AK9: variants seen among roughly 807,000 people sequenced by gnomAD.
AK9 encodes adenylate kinase domain containing 1.
AK9 carries 191 observed loss-of-function variants against 239.6 expected under a neutral mutation model. That is an observed-to-expected ratio of 0.80 (90% CI 0.71 to 0.90). The LOEUF (loss-of-function observed/expected upper bound fraction) is 0.90. AK9 is among the 40% of genes least tolerant of loss of function. The pLI is 0.00. For synonymous variants in AK9, 689 were observed against 721.0 expected (o/e 0.96, Z 0.71); for missense variants, 1,995 against 2,214.7 (o/e 0.90, Z 1.99).
At chr6:109,631,431 G>T (rs1206824236) in intron 12 of AK9, among the ~76,000 whole-genome samples, 2 of 152,134 alleles carry the variant, frequency 1.3e-5, no homozygotes, top group Non-Finnish European at 1.5e-5. Context: ...GATGAAAGAG[G>T]TTCAACCTCA....
intron 30 of AK9, 126 bp downstream of exon 30, chr6:109,516,304 A>T (rs1471998544): frequency 4.3e-6 from 4 of 933,426 alleles, no homozygotes; most frequent in Admixed American, 2.8e-5. Flanking sequence ...TGATACCGAT[A>T]AAAGGAAATA....
chr6:109,501,472 G>T (rs1245436367), intron 35 of AK9, among the ~76,000 whole-genome samples: 5 of 152,296 alleles, frequency 3.3e-5, no homozygotes, highest in African/African-American at 9.6e-5. Flanking sequence ...AGGAGAGGGG[G>T]AAAGGAACAT....
chr6:109,649,083 G>A (rs1166137390), intron 8 of AK9, among the ~76,000 whole-genome samples: 4 of 152,178 alleles, frequency 2.6e-5, no homozygotes, highest in Middle Eastern at 3.4e-3. Flanking sequence ...TTATTGATGG[G>A]ACATATCTCA....
At chr6:109,657,533 C>T (rs544692567) in intron 7 of AK9, among the ~76,000 whole-genome samples, 8 of 142,946 alleles carry the variant, frequency 5.6e-5, no homozygotes, top group Non-Finnish European at 1.2e-4. Context: ...GAGAGAACTG[C>T]CACACAAGTT....
At chr6:109,592,866 T>C (rs1790475363) in intron 17 of AK9, among the ~76,000 whole-genome samples, 1 of 152,142 alleles carries the variant, frequency 6.6e-6, no homozygotes, top group Admixed American at 6.5e-5. Context: ...TCTTGCACTA[T>C]ATCTTACAAT....
At position 109,644,674 on chromosome 6, in the gene AK9, T is replaced by C; in HGVS notation, c.774A>G (p.Glu258=). The C allele has an allele frequency of 6.2e-7, 1 of 1,612,368 alleles. No homozygotes were observed. The highest frequency in any genetic ancestry group is 8.5e-7 in the Non-Finnish European group (1 of 1,179,708). The change falls in exon 9 of 41, where the codon GAA becomes GAG. Residue 258 remains glutamate (E), a synonymous_variant. Transcript: ENST00000424296. Reference sequence around the variant, plus strand: ...GCTCAATGAGATACTGGGGATTGTGTTCAGCCATTACTTCCTGCAGATAAT... The same window carrying C: ...GCTCAATGAGATACTGGGGATTGTGCTCAGCCATTACTTCCTGCAGATAAT... ...ILQTLEEVMA[E]HNPQYLIELN... is the part of the protein sequence containing the mutation.
chr6:109,607,867 T>C (rs1015182706), intron 17 of AK9, among the ~76,000 whole-genome samples: 1 of 151,184 alleles, frequency 6.6e-6, no homozygotes, highest in African/African-American at 2.4e-5. Flanking sequence ...ATAGCTAAGA[T>C]AATCTTAAAG....
intron 32 of AK9, among the ~76,000 whole-genome samples, chr6:109,510,302 A>G (rs1166029087): frequency 6.6e-6 from 1 of 152,106 alleles, no homozygotes; most frequent in East Asian, 1.9e-4. Context: ...AGATAACAGG[A>G]TGACCAGCTG....
intron 20 of AK9, 57 bp from the exon 21 acceptor site, chr6:109,573,651 G>T: frequency 6.8e-7 from 1 of 1,479,098 alleles, no homozygotes; most frequent in Non-Finnish European, 9.1e-7. Context: ...AATATTTATT[G>T]GGTGTTGATA....
chr6:109,595,076 T>C (rs888359672), intron 17 of AK9, among the ~76,000 whole-genome samples: 1 of 152,128 alleles, frequency 6.6e-6, no homozygotes, highest in African/African-American at 2.4e-5. Context: ...ACAGGCAACC[T>C]ACAGAATGGG....
At chr6:109,610,280 CTAAAA>C in intron 17 of AK9, 80 bp downstream of exon 17, 1 of 1,449,848 alleles carries the variant, frequency 6.9e-7, no homozygotes, top group Non-Finnish European at 9.3e-7. Flanking sequence ...TCATAAGACT[CTAAAA>C]TAATTACACA....
chr6:109,653,305 C>T (rs1045348142), intron 8 of AK9, among the ~76,000 whole-genome samples: 8 of 152,120 alleles, frequency 5.3e-5, no homozygotes, highest in African/African-American at 1.9e-4. Flanking sequence ...AGCCCTAACC[C>T]GCAATGTATG....
At chr6:109,575,872 T>C (rs369908799) in intron 20 of AK9, among the ~76,000 whole-genome samples, 31 of 152,206 alleles carry the variant, frequency 2.0e-4, no homozygotes, top group African/African-American at 7.0e-4. Context: ...AGCTTCATTC[T>C]TCATTGTGGC....
chr6:109,644,631 C>A lies in AK9; in HGVS notation c.817G>T (p.Ala273Ser). ...YLIELNGNKP[A>S]EELFMIVMDR... is the part of the protein sequence containing the mutation. The stretch of plus-strand genomic sequence containing the variant: ...GCACTCACCATAAAGAGCTCCTCTG[C>A]TGGTTTATTTCCATTTAGCTCAATG... The change falls in exon 9 of 41, where the codon GCA (alanine) becomes TCA (serine). Residue 273 changes from alanine to serine, a missense_variant. Physicochemically the swap from Ala to Ser is moderately conservative, Grantham distance 99. Around this residue, in one of 5 missense-constraint regions of AK9, gnomAD observed 1,290 missense variants for 1,392.7 expected, o/e 0.93. Transcript: ENST00000424296. The A allele has an allele frequency of 6.2e-7, 1 of 1,612,096 alleles. No homozygotes were observed. The highest frequency in any genetic ancestry group is 8.5e-7 in the Non-Finnish European group (1 of 1,179,788).
chr6:109,669,936 A>C (rs1801830925), intron 5 of AK9, among the ~76,000 whole-genome samples: 1 of 152,164 alleles, frequency 6.6e-6, no homozygotes, highest in African/African-American at 2.4e-5. Context: ...CCAAATGGTG[A>C]GGGTGTGGCC....
At chr6:109,571,917 A>G (rs1194251047) in intron 21 of AK9, among the ~76,000 whole-genome samples, 1 of 152,180 alleles carries the variant, frequency 6.6e-6, no homozygotes, top group African/African-American at 2.4e-5. Flanking sequence ...CTCAACTGTT[A>G]GTATGTATAA....
chr6:109,552,232 A>G (rs1174664447), intron 24 of AK9, among the ~76,000 whole-genome samples: 1 of 152,056 alleles, frequency 6.6e-6, no homozygotes, highest in Non-Finnish European at 1.5e-5. Flanking sequence ...TGCTAATGGG[A>G]TTGCTGAGTC....
chr6:109,683,528 G>A (rs1404493482), intron 1 of AK9, among the ~76,000 whole-genome samples: 1 of 152,186 alleles, frequency 6.6e-6, no homozygotes, highest in East Asian at 1.9e-4. Flanking sequence ...ATCTCCTTAA[G>A]CTGATAAGCA....
At chr6:109,501,119 C>T (rs1444527992) in intron 35 of AK9, among the ~76,000 whole-genome samples, 3 of 152,178 alleles carry the variant, frequency 2.0e-5, no homozygotes, top group Non-Finnish European at 4.4e-5. Context: ...TTGACCCTTC[C>T]CCACTTACTG....
Sources: allele counts gnomAD v4.1 joint callset (sites outside exome capture counted in the v4.1 genomes callset), GRCh38; gene constraint gnomAD v4.1.1; regional missense constraint gnomAD v4.1.1; transcripts MANE v1.5; gene names NCBI Gene and HGNC (gene_info 2026-07-23, HGNC 2026-07-21).